The following TRDN variants were observed in gnomAD, a reference collection of about 807,000 sequenced individuals.
The protein encoded by TRDN is triadin.
In TRDN, 161 loss-of-function variants were observed where a neutral mutation model predicts 149.7. That is an observed-to-expected ratio of 1.08 (90% CI 0.95 to 1.23). The LOEUF is 1.23. Ranked by LOEUF, TRDN falls within the 50% of genes most tolerant of loss-of-function variation. The pLI is 0.00. For synonymous variants in TRDN, 294 were observed against 250.5 expected (o/e 1.17, Z -1.64); for missense variants, 896 against 823.5 (o/e 1.09, Z -1.08).
intron 20 of TRDN, among the ~76,000 whole-genome samples, chr6:123,365,225 T>C (rs766462757): frequency 8.5e-5 from 13 of 152,152 alleles, no homozygotes; most frequent in Non-Finnish European, 1.9e-4. Flanking sequence ...GCAAATACAG[T>C]TCATATTTTT....
intron 10 of TRDN, chr6:123,464,204 G>C: frequency 1.1e-6 from 1 of 916,320 alleles, no homozygotes; most frequent in Non-Finnish European, 1.3e-6. Flanking sequence ...CCATGTTTGG[G>C]ATTTAATAAA....
chr6:123,631,185 A>T (rs1351901148), intron 1 of TRDN, among the ~76,000 whole-genome samples: 1 of 151,610 alleles, frequency 6.6e-6, no homozygotes, highest in East Asian at 1.9e-4. Flanking sequence ...TTTCAGAGTC[A>T]GACTAATCAG....
intron 5 of TRDN, chr6:123,528,961 G>A: frequency 8.2e-7 from 1 of 1,220,148 alleles, no homozygotes; most frequent in Non-Finnish European, 1.0e-6. Context: ...CAGTCTTTGA[G>A]AAATTTATTT....
chr6:123,408,432 C>T (rs1373741453), intron 12 of TRDN, among the ~76,000 whole-genome samples: 5 of 152,040 alleles, frequency 3.3e-5, no homozygotes, highest in Non-Finnish European at 5.9e-5. Flanking sequence ...AATCCCAACA[C>T]TTTGGGAGGC....
intron 9 of TRDN, among the ~76,000 whole-genome samples, chr6:123,465,201 T>C (rs1776714461): frequency 6.6e-6 from 1 of 152,186 alleles, no homozygotes; most frequent in South Asian, 2.1e-4. Context: ...CTGAATATAT[T>C]ATTTTCCATA....
intron 1 of TRDN, among the ~76,000 whole-genome samples, chr6:123,572,130 T>A (rs1221488078): frequency 1.3e-5 from 2 of 152,124 alleles, no homozygotes; most frequent in Non-Finnish European, 2.9e-5. Context: ...ATGTTTAAAA[T>A]TTTTGCAATA....
At chr6:123,416,911 C>T (rs1773676987) in intron 12 of TRDN, among the ~76,000 whole-genome samples, 1 of 152,142 alleles carries the variant, frequency 6.6e-6, no homozygotes, top group East Asian at 1.9e-4. Context: ...CCATATTGGC[C>T]AGGCTGGACT....
At chr6:123,610,542 C>T (rs138916951) in intron 1 of TRDN, among the ~76,000 whole-genome samples, 11 of 152,154 alleles carry the variant, frequency 7.2e-5, no homozygotes, top group Non-Finnish European at 1.5e-4. Flanking sequence ...CTTTACTGGG[C>T]CAAGAGTAAG....
At chr6:123,282,095 A>G (rs1018482586) in intron 24 of TRDN, among the ~76,000 whole-genome samples, 1 of 152,022 alleles carries the variant, frequency 6.6e-6, no homozygotes, top group Non-Finnish European at 1.5e-5. Context: ...GGAATGTAAT[A>G]TGAAGACACA....
chr6:123,265,316 A>G lies in TRDN; in HGVS notation c.1804+2T>C, dbSNP rs2114598453. 1 of 1,419,170 alleles carries G rather than the reference A, an allele frequency of 7.0e-7. No homozygotes were observed. The highest frequency in any genetic ancestry group is 9.4e-7 in the Non-Finnish European group (1 of 1,062,536). The allele number at this position is 1,419,170 out of a possible 1,614,324, so 87.9% of individuals were successfully genotyped here. On this transcript the variant is annotated splice_donor_variant, in intron 33 of 40. Transcript: ENST00000334268. LOFTEE classifies it high-confidence loss of function. ...TTTAAAATTCTAAAATGGTACACTT[A>G]CTTGGAGTTGGTTTTGGTTTGTCTA... is the stretch of plus-strand genomic sequence containing the variant.
intron 24 of TRDN, among the ~76,000 whole-genome samples, chr6:123,308,687 T>A (rs1778705160): frequency 6.6e-6 from 1 of 152,024 alleles, no homozygotes; most frequent in Non-Finnish European, 1.5e-5. Context: ...TTCTAGTTAA[T>A]CACCTTCATC....
intron 9 of TRDN, among the ~76,000 whole-genome samples, chr6:123,490,807 A>T (rs1231990563): frequency 6.6e-6 from 1 of 152,216 alleles, no homozygotes; most frequent in African/African-American, 2.4e-5. Context: ...GTTTGTAAAT[A>T]CAAAAATGAA....
Position 123,216,363 on chromosome 6 carries a change from T to C in TRDN, c.*2238A>G, listed in dbSNP as rs1356089860. ...CTTGGAAGATCTATAACTATTTTAT[T>C]AGACGGTAATATATAAACAAATGAC... On this transcript the variant is annotated 3_prime_UTR_variant, in exon 41 of 41. Coordinates refer to ENST00000334268, the MANE Select transcript of TRDN (RefSeq NM_006073.4). The C allele has an allele frequency of 2.0e-5, 3 of 151,984 alleles. No individual in the cohort carries two copies. Among genetic ancestry groups the C allele is most frequent in the Non-Finnish European group, 4.4e-5 (3 of 67,942 alleles). 9.4% of individuals were successfully genotyped at this position (151,984 alleles called of 1,614,324 possible).
chr6:123,348,204 C>T (rs1329399717), intron 21 of TRDN, among the ~76,000 whole-genome samples: 1 of 152,000 alleles, frequency 6.6e-6, no homozygotes, highest in Non-Finnish European at 1.5e-5. Context: ...CATTGCTTTA[C>T]AACTAGCTTG....
Position 123,548,861 on chromosome 6 carries a change from A to T in TRDN, c.233-249T>A, listed in dbSNP as rs990651391. ...CCAAATAAGAGTTAGCACTGGAAAAAAAATTAGGAATGAATTAAAATAATG... is the reference window on the plus strand; with the variant it reads ...CCAAATAAGAGTTAGCACTGGAAAATAAATTAGGAATGAATTAAAATAATG... On this transcript the variant is annotated intron_variant, in intron 2 of 40. Coordinates refer to ENST00000334268, the MANE Select transcript of TRDN (RefSeq NM_006073.4). Among the ~76,000 whole-genome samples the T allele has an allele frequency of 3.3e-5, 5 of 152,142 alleles. No individual in the cohort carries two copies. The East Asian group carries it at 9.6e-4, about 29-fold the overall frequency.
intron 24 of TRDN, among the ~76,000 whole-genome samples, chr6:123,292,715 G>T (rs1778052145): frequency 6.6e-6 from 1 of 152,100 alleles, no homozygotes; most frequent in Admixed American, 6.6e-5. Context: ...GAGTACATCT[G>T]TCCAGGGTTA....
chr6:123,382,879 C>T (rs1358260084), intron 14 of TRDN, among the ~76,000 whole-genome samples: 1 of 151,956 alleles, frequency 6.6e-6, no homozygotes, highest in Non-Finnish European at 1.5e-5. Context: ...TTTTTAAGCT[C>T]ATTTGTTTTA....
At chr6:123,483,419 A>G (rs1777850952) in intron 9 of TRDN, among the ~76,000 whole-genome samples, 1 of 152,092 alleles carries the variant, frequency 6.6e-6, no homozygotes, top group African/African-American at 2.4e-5. Context: ...TTAATTTTTA[A>G]AAACTACATC....
At chr6:123,263,424 C>T (rs1776839414) in intron 33 of TRDN, among the ~76,000 whole-genome samples, 2 of 152,038 alleles carry the variant, frequency 1.3e-5, no homozygotes, top group South Asian at 2.1e-4. Flanking sequence ...TAAGATGAAG[C>T]ATCAAATGCC....
Sources: allele counts gnomAD v4.1 joint callset (sites outside exome capture counted in the v4.1 genomes callset), GRCh38; gene constraint gnomAD v4.1.1; transcripts MANE v1.5; gene names NCBI Gene and HGNC (gene_info 2026-07-23, HGNC 2026-07-21).